CCND2: variants seen among roughly 807,000 people sequenced by gnomAD.
The protein encoded by CCND2 is cyclin D2.
CCND2 carries 6 observed loss-of-function variants against 30.2 expected under a neutral mutation model. That is an observed-to-expected ratio of 0.20 (90% CI 0.11 to 0.39). The LOEUF (loss-of-function observed/expected upper bound fraction) is 0.39. Ranked by LOEUF, CCND2 falls within the 10% of genes least tolerant of loss-of-function variation. The pLI, the probability that CCND2 is intolerant of heterozygous loss-of-function variation, is 1.00. For synonymous variants in CCND2, 150 were observed against 153.1 expected (o/e 0.98, Z 0.15); for missense variants, 235 against 373.4 (o/e 0.63, Z 3.06).
In CCND2 at chr12:4,273,969, C is replaced by CA. The variant is rs1309989465; in HGVS notation, c.-66dup. The stretch of plus-strand genomic sequence containing the variant: ...AGGGGAACGCTCTCCCCTCCCCTTC[C>CA]AAAAAACAAAAACAGAAAAACCTTT... On this transcript the variant is annotated 5_prime_UTR_variant, in exon 1 of 5. Transcript: ENST00000261254. This position sits in a 1 kb window ranked among gnomAD's most constrained non-coding sequence, Gnocchi z 5.9. 1.2e-5 allele frequency: 18 copies of CA among 1,488,496 alleles called. No homozygotes were observed. Among genetic ancestry groups the CA allele is most frequent in the East Asian group, 2.4e-5 (1 of 41,580 alleles). 92.2% of individuals were successfully genotyped at this position (1,488,496 alleles called of 1,614,324 possible).
Position 4,274,875 on chromosome 12 carries a change from C to A in CCND2, c.195+640C>A, listed in dbSNP as rs780442062. On this transcript the variant is annotated intron_variant, in intron 1 of 4. Coordinates refer to ENST00000261254, the MANE Select transcript of CCND2 (RefSeq NM_001759.4). The surrounding 1 kb of genome is among the most constrained non-coding windows in gnomAD (Gnocchi z 7.7). ...TGCCCACGTATGCACAGCTCTGGAC[C>A]TGCCGTGGTTTCGCCATGTTGCTTT... The A allele has an allele frequency of 2.0e-5, 3 of 152,472 alleles. No homozygotes were observed. Among genetic ancestry groups the A allele is most frequent in the Non-Finnish European group, 4.4e-5 (3 of 68,234 alleles). 9.4% of individuals were successfully genotyped at this position (152,472 alleles called of 1,614,324 possible). A position where few individuals can be genotyped will look rare whatever the true frequency, so the allele number is the denominator to read the frequency against.
chr12:4,277,654 C>T (rs961266588), intron 2 of CCND2, among the ~76,000 whole-genome samples: 1 of 152,176 alleles, frequency 6.6e-6, no homozygotes, highest in South Asian at 2.1e-4. Context: ...TGGAAGAGTC[C>T]TATTTTACAA....
Position 4,278,905 on chromosome 12 carries a change from C to T in CCND2, c.557C>T (p.Ala186Val), listed in dbSNP as rs1472201110. 1 of 1,612,900 alleles carries T rather than the reference C, an allele frequency of 6.2e-7. No individual in the cohort carries two copies. Among genetic ancestry groups the T allele is most frequent in the Admixed American group, 1.7e-5 (1 of 59,994 alleles). The change falls in exon 3 of 5, where the codon GCT becomes GTT. Residue 186 changes from alanine (A) to valine (V), a missense_variant. Transcript: ENST00000261254. ...LIRKHAQTFIALCATDFKFAM... is the reference protein window; with the variant it reads ...LIRKHAQTFIVLCATDFKFAM... ...CGCAAGCATGCTCAGACCTTCATTG[C>T]TCTGTGTGCCACCGGTAAGATGAGG...
intron 1 of CCND2, chr12:4,275,502 C>A (rs569844707): frequency 1.5e-5 from 2 of 136,542 alleles, no homozygotes; most frequent in Admixed American, 7.2e-5. Flanking sequence ...CACCCGCCCC[C>A]CCAAAAGCGG....
Position 4,282,132 on chromosome 12 carries a change from G to A in CCND2, c.571+3213G>A, listed in dbSNP as rs967711846. Among the ~76,000 whole-genome samples, 26 of 152,294 alleles carry A rather than the reference G, an allele frequency of 1.7e-4. 1 individual carries two copies. The highest frequency in any genetic ancestry group is 6.0e-4 in the African/African-American group (25 of 41,562). On this transcript the variant is annotated intron_variant, in intron 3 of 4. Transcript: ENST00000261254. This position sits in a 1 kb window ranked among gnomAD's most constrained non-coding sequence, Gnocchi z 4.3. ...GGAGATGACCTGGGTTCGCACTCTG[G>A]CACTGGGAGATTGTTGAGATGTGAT... is the stretch of plus-strand genomic sequence containing the variant.
At chr12:4,283,848 G>A (rs1047998232) in intron 3 of CCND2, among the ~76,000 whole-genome samples, 2 of 152,162 alleles carry the variant, frequency 1.3e-5, no homozygotes, top group African/African-American at 2.4e-5. Context: ...TCTTCCATTC[G>A]CTGAGTGTTC....
intron 4 of CCND2, among the ~76,000 whole-genome samples, chr12:4,296,364 A>G (rs2120582204): frequency 6.6e-6 from 1 of 152,392 alleles, no homozygotes; most frequent in East Asian, 1.9e-4. Flanking sequence ...TTGAGGAGCA[A>G]GGTCTTCCAC....
rs1864228189 is a variant in CCND2, at chr12:4,300,114, AT to A, written c.*107del. On this transcript the variant is annotated 3_prime_UTR_variant, in exon 5 of 5. Transcript: ENST00000261254. ...TTTTAGGGTGAAACTTAAAAAAAAA[AT>A]TCTGCCCCCACCTAGATCATATTTA... is the stretch of plus-strand genomic sequence containing the variant. The A allele has an allele frequency of 8.5e-7, 1 of 1,173,044 alleles. No individual in the cohort carries two copies. 72.7% of individuals were successfully genotyped at this position (1,173,044 alleles called of 1,614,324 possible).
intron 3 of CCND2, among the ~76,000 whole-genome samples, chr12:4,281,507 G>A (rs1170867541): frequency 6.6e-6 from 1 of 152,046 alleles, no homozygotes; most frequent in Non-Finnish European, 1.5e-5. Flanking sequence ...CCGAGCTGTT[G>A]CCCTCACCTG....
chr12:4,275,127 G>A (rs941143276), intron 1 of CCND2: 1 of 152,154 alleles, frequency 6.6e-6, no homozygotes, highest in African/African-American at 2.4e-5. Flanking sequence ...GGAGAGGTGG[G>A]AGCCCCCCGT....
chr12:4,289,884 A>G (rs3217860), intron 4 of CCND2, among the ~76,000 whole-genome samples: 43,135 of 151,964 alleles, frequency 0.28, 6,697 homozygotes, highest in East Asian at 0.59. Context: ...CCCCCTGGAA[A>G]CTTCCCACTC....
At chr12:4,298,207 G>A (rs1326758332) in intron 4 of CCND2, among the ~76,000 whole-genome samples, 2 of 152,180 alleles carry the variant, frequency 1.3e-5, no homozygotes, top group Non-Finnish European at 2.9e-5. Flanking sequence ...TATAGTGGGT[G>A]GGCAGCAGAT....
rs2120605379 is a variant in CCND2, at chr12:4,304,250, AG to A, written c.*4243del. The A allele has an allele frequency of 4.3e-6, 1 of 233,640 alleles. No homozygotes were observed. Among genetic ancestry groups the A allele is most frequent in the East Asian group, 6.0e-5 (1 of 16,576 alleles). 14.5% of individuals were successfully genotyped at this position (233,640 alleles called of 1,614,324 possible). Reference sequence around the variant, plus strand: ...TGTGGGAATTGGAGGTAGGAAGGGGAGGAAGTCTGAGTAAGCCAGTTGGCTT... The same window carrying A: ...TGTGGGAATTGGAGGTAGGAAGGGGAGAAGTCTGAGTAAGCCAGTTGGCTT... On this transcript the variant is annotated 3_prime_UTR_variant, in exon 5 of 5. Transcript: ENST00000261254. The surrounding 1 kb of genome is among the most constrained non-coding windows in gnomAD (Gnocchi z 6.2).
chr12:4,278,574 TAAG>T (rs1418120546), intron 2 of CCND2, 183 bp from the exon 3 acceptor site: 1 of 499,220 alleles, frequency 2.0e-6, no homozygotes, highest in Non-Finnish European at 3.6e-6. Context: ...ATTTGAAGCA[TAAG>T]AAGAGCTGTC....
chr12:4,284,266 G>T (rs908125082), intron 3 of CCND2, among the ~76,000 whole-genome samples: 1 of 152,228 alleles, frequency 6.6e-6, no homozygotes, highest in Non-Finnish European at 1.5e-5. Context: ...GCACTACAAC[G>T]TGGGTATTGC....
At chr12:4,295,637 G>T (rs986940610) in intron 4 of CCND2, among the ~76,000 whole-genome samples, 1 of 152,116 alleles carries the variant, frequency 6.6e-6, no homozygotes, top group Non-Finnish European at 1.5e-5. Flanking sequence ...ATCAGCTGGG[G>T]GTGATGGCGT....
chr12:4,282,080 G>C lies in CCND2; in HGVS notation c.571+3161G>C, dbSNP rs929844392. 6.6e-6 allele frequency among the ~76,000 whole-genome samples: 1 copy of C among 152,134 alleles called. No individual in the cohort carries two copies. The highest frequency in any genetic ancestry group is 2.4e-5 in the African/African-American group (1 of 41,422). ...GCCGCTCTGCTGATAGAACACCCAG[G>C]TCTGCAAGCGAGGAAAGAAGGCCAT... is the stretch of plus-strand genomic sequence containing the variant. On this transcript the variant is annotated intron_variant, in intron 3 of 4. Transcript: ENST00000261254. The surrounding 1 kb of genome is among the most constrained non-coding windows in gnomAD (Gnocchi z 4.3).
chr12:4,276,648 A>C lies in CCND2; in HGVS notation c.411+428A>C, dbSNP rs915808787. Among the ~76,000 whole-genome samples, 2 of 152,232 alleles carry C rather than the reference A, an allele frequency of 1.3e-5. No individual in the cohort carries two copies. Among genetic ancestry groups the C allele is most frequent in the Admixed American group, 1.3e-4 (2 of 15,286 alleles). On this transcript the variant is annotated intron_variant, in intron 2 of 4. Transcript: ENST00000261254. The surrounding 1 kb of genome is among the most constrained non-coding windows in gnomAD (Gnocchi z 4.8). ...TGTCTCCTAAAAACTTGGAGTTCAA[A>C]GGTAATGCCCTCTATATCTACAAAG...
At position 4,285,557 on chromosome 12, in the gene CCND2, G is replaced by T. The variant is rs1009748075; in HGVS notation, c.572-3285G>T. 2.9e-5 allele frequency: 10 copies of T among 339,146 alleles called. No homozygotes were observed. The highest frequency in any genetic ancestry group is 4.2e-5 in the Non-Finnish European group (10 of 239,076). 21.0% of individuals were successfully genotyped at this position (339,146 alleles called of 1,614,324 possible). ...TTCCAGTTCATCCATAGGCATATAT[G>T]TATGTATTTACCCATGGTTGTAATC... On this transcript the variant is annotated intron_variant, in intron 3 of 4. Transcript: ENST00000261254. The surrounding 1 kb of genome is among the most constrained non-coding windows in gnomAD (Gnocchi z 4.1).
Sources: gnomAD v4.1 joint callset for allele counts (sites outside exome capture counted in the v4.1 genomes callset) on GRCh38, gnomAD v4.1.1 for gene constraint, Gnocchi (gnomAD v3.1) non-coding constraint, MANE v1.5 for transcripts, NCBI Gene and HGNC (gene_info 2026-07-23, HGNC 2026-07-21) for gene names.